RICTOR: variants seen among roughly 807,000 people sequenced by gnomAD.
RICTOR encodes the protein RPTOR independent companion of MTOR complex 2, also known as rapamycin-insensitive companion of mTOR.
In RICTOR, 49 loss-of-function variants were observed where a neutral mutation model predicts 214.9. The ratio of observed to expected loss-of-function variants is 0.23; its 90% CI spans 0.18 to 0.29. The LOEUF is 0.29. RICTOR is among the 10% of genes least tolerant of loss of function. The probability of loss-of-function intolerance (pLI) is 1.00; values close to 1 mark genes in which losing one functional copy is unlikely to be tolerated. For missense variants in RICTOR, 1,625 were observed against 2,047.0 expected (o/e 0.79, Z 3.98); for synonymous variants, 717 against 711.3 (o/e 1.01, Z -0.13).
At chr5:39,066,740 G>A (rs1758932747) in intron 2 of RICTOR, among the ~76,000 whole-genome samples, 1 of 152,198 alleles carries the variant, frequency 6.6e-6, no homozygotes, top group South Asian at 2.1e-4. Flanking sequence ...CCAGATACCA[G>A]AGGTCATCAC....
intron 2 of RICTOR, among the ~76,000 whole-genome samples, chr5:39,039,443 A>C (rs1222655630): frequency 6.6e-6 from 1 of 152,204 alleles, no homozygotes; most frequent in Non-Finnish European, 1.5e-5. Context: ...AAGCAATGGC[A>C]ACAAAAGCCA....
At position 38,997,375 on chromosome 5, in the gene RICTOR, A is replaced by C. The variant is rs116274792; in HGVS notation, c.393-493T>G. On this transcript the variant is annotated intron_variant, in intron 5 of 37. Coordinates refer to ENST00000357387, the MANE Select transcript of RICTOR (RefSeq NM_152756.5). ...GAATTCACTTCAAATATTGATGTCC[A>C]AACAAATAGCACCAAACTGACATTT... Among the ~76,000 whole-genome samples the C allele has an allele frequency of 1.7e-3, 264 of 152,340 alleles. 1 individual carries two copies. The highest frequency in any genetic ancestry group is 6.1e-3 in the African/African-American group (252 of 41,586).
intron 5 of RICTOR, among the ~76,000 whole-genome samples, chr5:38,998,390 T>C (rs1017251734): frequency 6.6e-6 from 1 of 152,178 alleles, no homozygotes; most frequent in African/African-American, 2.4e-5. Context: ...TTTCGCCACA[T>C]TGGCCAGGCT....
intron 5 of RICTOR, among the ~76,000 whole-genome samples, chr5:38,997,112 A>G (rs1753235624): frequency 6.6e-6 from 1 of 152,214 alleles, no homozygotes; most frequent in African/African-American, 2.4e-5. Context: ...TTAGGAAAGA[A>G]CAGTATAGTA....
rs181482296 is a variant in RICTOR at position 39,043,097 on chromosome 5, T to C, written c.98-21961A>G. Among the ~76,000 whole-genome samples, 62 of 152,290 alleles carry C rather than the reference T, an allele frequency of 4.1e-4. 1 individual carries two copies. In the East Asian group the frequency reaches 0.012, roughly 29 times the overall value. On this transcript the variant is annotated intron_variant, in intron 2 of 37. Transcript: ENST00000357387. Reference sequence around the variant, plus strand: ...ACTAAAAATAGAATTGCCAAATGGATGATCCAGCAATTCCACTACTAGGTA... The same window carrying C: ...ACTAAAAATAGAATTGCCAAATGGACGATCCAGCAATTCCACTACTAGGTA...
At chr5:39,009,063 C>T (rs1322690561) in intron 3 of RICTOR, among the ~76,000 whole-genome samples, 1 of 151,978 alleles carries the variant, frequency 6.6e-6, no homozygotes, top group Non-Finnish European at 1.5e-5. Flanking sequence ...GGAGTATTTC[C>T]ATTCCTCTGC....
intron 7 of RICTOR, among the ~76,000 whole-genome samples, chr5:38,990,564 A>G (rs1752544805): frequency 6.7e-6 from 1 of 148,200 alleles, no homozygotes; most frequent in Non-Finnish European, 1.5e-5. Flanking sequence ...CACGATATAT[A>G]CACGATATAT....
chr5:39,031,205 T>C (rs968730647), intron 2 of RICTOR, among the ~76,000 whole-genome samples: 3 of 152,204 alleles, frequency 2.0e-5, no homozygotes, highest in Non-Finnish European at 4.4e-5. Flanking sequence ...ACAATGATTA[T>C]TACAGTTAAT....
chr5:39,047,487 G>A lies in RICTOR; in HGVS notation c.98-26351C>T, dbSNP rs1014110257. Among the ~76,000 whole-genome samples, 20 of 152,254 alleles carry A rather than the reference G, an allele frequency of 1.3e-4. 2 individuals carry two copies. The highest frequency in any genetic ancestry group is 6.5e-4 in the Admixed American group (10 of 15,296). ...TCCTAACAGGCCACGGACTGGTACC[G>A]GTGCACAGCCAGGGGTTTGGGGACC... On this transcript the variant is annotated intron_variant, in intron 2 of 37. Coordinates refer to ENST00000357387, the MANE Select transcript of RICTOR (RefSeq NM_152756.5).
At chr5:38,968,516 G>A (rs993147607) in intron 11 of RICTOR, among the ~76,000 whole-genome samples, 1 of 151,574 alleles carries the variant, frequency 6.6e-6, no homozygotes, top group East Asian at 1.9e-4. Flanking sequence ...AGCCAAGGTG[G>A]GAGGACTGCT....
intron 2 of RICTOR, among the ~76,000 whole-genome samples, chr5:39,027,680 G>A (rs1294336771): frequency 1.3e-5 from 2 of 151,970 alleles, no homozygotes; most frequent in Non-Finnish European, 2.9e-5. Context: ...AAATAAAAAA[G>A]CCAAAGAAAA....
chr5:38,979,310 A>C (rs1288581796), intron 8 of RICTOR, among the ~76,000 whole-genome samples: 1 of 152,164 alleles, frequency 6.6e-6, no homozygotes, highest in African/African-American at 2.4e-5. Context: ...TAGAACTACT[A>C]TATTTTATTA....
chr5:38,950,844 CG>C, intron 30 of RICTOR, 124 bp from the exon 31 acceptor site: 1 of 650,772 alleles, frequency 1.5e-6, no homozygotes, highest in East Asian at 3.0e-5. Context: ...TAAAAATAAA[CG>C]GTTAAACCAT....
intron 2 of RICTOR, among the ~76,000 whole-genome samples, chr5:39,071,885 A>T (rs953886573): frequency 6.6e-6 from 1 of 152,248 alleles, no homozygotes; most frequent in Non-Finnish European, 1.5e-5. Flanking sequence ...ATCTTTTTAC[A>T]TACTGTAATC....
At chr5:39,065,581 G>C (rs557960280) in intron 2 of RICTOR, among the ~76,000 whole-genome samples, 1 of 152,134 alleles carries the variant, frequency 6.6e-6, no homozygotes, top group African/African-American at 2.4e-5. Context: ...TCTGAAACAA[G>C]GCAAGTCCCT....
rs2150070263 is a variant in RICTOR at position 38,986,501 on chromosome 5, G to C, written c.583+4448C>G. ...ATACTAAATTTAATGATGAAGAAAA[G>C]TTTAAAATTTATAGAATTTTAATGT... On this transcript the variant is annotated intron_variant, in intron 7 of 37. Transcript: ENST00000357387. Among the ~76,000 whole-genome samples the C allele has an allele frequency of 1.3e-5, 2 of 152,200 alleles. 1 individual carries two copies. Among genetic ancestry groups the C allele is most frequent in the Middle Eastern group, 6.8e-3 (2 of 294 alleles).
chr5:38,958,326 C>A, intron 24 of RICTOR, 117 bp downstream of exon 24: 1 of 669,548 alleles, frequency 1.5e-6, no homozygotes, highest in Non-Finnish European at 2.6e-6. Context: ...GACAATGTTT[C>A]AATATTAAAA....
At chr5:38,978,043 TAC>T (rs945676761) in intron 9 of RICTOR, among the ~76,000 whole-genome samples, 2 of 152,340 alleles carry the variant, frequency 1.3e-5, no homozygotes, top group Admixed American at 6.5e-5. Flanking sequence ...GCAAAATCTT[TAC>T]AGAGTGCTTT....
At chr5:38,968,737 TA>T (rs1157586174) in intron 11 of RICTOR, among the ~76,000 whole-genome samples, 3,026 of 131,400 alleles carry the variant, frequency 0.023, 64 homozygotes, top group East Asian at 0.13. Context: ...CCCTGCCTCT[TA>T]AAAAAAAAAA....
Sources: allele counts gnomAD v4.1 joint callset (sites outside exome capture counted in the v4.1 genomes callset), GRCh38; gene constraint gnomAD v4.1.1; transcripts MANE v1.5; gene names NCBI Gene and HGNC (gene_info 2026-07-23, HGNC 2026-07-21).